AZIN2: variants seen among roughly 807,000 people sequenced by gnomAD.
AZIN2 encodes the protein ODC antizyme inhibitor-2.
AZIN2 carries 28 observed loss-of-function variants against 47.8 expected under a neutral mutation model. The observed-to-expected ratio is 0.59, with a 90% CI of 0.43 to 0.80. The LOEUF (loss-of-function observed/expected upper bound fraction) is 0.80, where lower values mean the gene tolerates loss of function less well. Among genes scored for constraint, AZIN2 ranks in the 30% least tolerant of loss-of-function variants. AZIN2 has a pLI of 0.00. For missense variants in AZIN2, 535 were observed against 582.5 expected, an observed-to-expected ratio of 0.92 and a Z score of 0.84; for synonymous variants, 221 against 239.4, an observed-to-expected ratio of 0.92 and a Z score of 0.71.
At chr1:33,104,856 G>A (rs978927036) in intron 10 of AZIN2, among the ~76,000 whole-genome samples, 1 of 152,118 alleles carries the variant, frequency 6.6e-6, no homozygotes, top group Non-Finnish European at 1.5e-5. Context: ...ATGCCACTAT[G>A]CCTGGCTAAT....
the AZIN2 span, among the ~76,000 whole-genome samples, chr1:33,155,365 C>G: frequency 6.6e-6 from 1 of 152,058 alleles, no homozygotes; most frequent in African/African-American, 2.4e-5. Flanking sequence ...GCCACCATGC[C>G]CGGCCTCCCC....
At chr1:33,104,072 G>A (rs574816464) in intron 10 of AZIN2, among the ~76,000 whole-genome samples, 12 of 151,854 alleles carry the variant, frequency 7.9e-5, no homozygotes, top group African/African-American at 2.2e-4. Flanking sequence ...TAGTAGAGAC[G>A]GCATTTCACC....
At chr1:33,139,555 G>A in the AZIN2 span, among the ~76,000 whole-genome samples, 18 of 152,170 alleles carry the variant, frequency 1.2e-4, no homozygotes, top group Non-Finnish European at 2.4e-4. Context: ...GAAAAGGAGG[G>A]CATTAGGTAG....
chr1:33,151,605 G>A, the AZIN2 span, among the ~76,000 whole-genome samples: 38 of 152,252 alleles, frequency 2.5e-4, no homozygotes, highest in Admixed American at 1.0e-3. Context: ...CAAAACAAGC[G>A]CAGTCCCTGG....
rs116730956 is a variant in AZIN2, at chr1:33,082,149, G to C, written c.-72-29G>C. 3.2e-3 allele frequency: 3,095 copies of C among 981,898 alleles called. 59 individuals carry two copies. In the African/African-American group the frequency reaches 0.043, roughly 14 times the overall value. 60.8% of individuals were successfully genotyped at this position (981,898 alleles called of 1,614,324 possible). ...GGGGCAGCAGAGCCGGCCCCCCAGC[G>C]GTTCCCTTCATCTCCCCTCGCCCCG... On this transcript the variant is annotated intron_variant, in intron 3 of 11. Transcript: ENST00000294517.
chr1:33,135,667 C>A, the AZIN2 span, among the ~76,000 whole-genome samples: 1 of 152,208 alleles, frequency 6.6e-6, no homozygotes, highest in Admixed American at 6.5e-5. Flanking sequence ...TTGCCCAGCA[C>A]TTACTCAGCA....
At chr1:33,109,691 C>A (rs1443642765) in intron 10 of AZIN2, among the ~76,000 whole-genome samples, 1 of 151,598 alleles carries the variant, frequency 6.6e-6, no homozygotes, top group East Asian at 1.9e-4. Flanking sequence ...TCAATTATTT[C>A]TTTTATGGAT....
intron 5 of AZIN2, among the ~76,000 whole-genome samples, chr1:33,090,586 CAAAT>C (rs747080150): frequency 1.3e-5 from 2 of 152,096 alleles, no homozygotes; most frequent in African/African-American, 2.4e-5. Flanking sequence ...ATTAAGCTGA[CAAAT>C]AAAAATTGTA....
At chr1:33,141,182 G>A in the AZIN2 span, among the ~76,000 whole-genome samples, 6 of 151,844 alleles carry the variant, frequency 4.0e-5, no homozygotes, top group Admixed American at 6.6e-5. Context: ...TTCTCCTCTC[G>A]GAGGAGCTGC....
intron 10 of AZIN2, among the ~76,000 whole-genome samples, chr1:33,108,056 T>G (rs1365239142): frequency 6.6e-6 from 1 of 152,210 alleles, no homozygotes; most frequent in Admixed American, 6.5e-5. Flanking sequence ...AGGCATCACA[T>G]TATCTGATTT....
chr1:33,117,322 T>C (rs899161494), intron 10 of AZIN2, among the ~76,000 whole-genome samples: 1 of 151,436 alleles, frequency 6.6e-6, no homozygotes, highest in African/African-American at 2.4e-5. Flanking sequence ...TGGCATGGAG[T>C]GAGGACATCT....
intron 10 of AZIN2, chr1:33,101,927 C>T (rs1269722906): frequency 1.3e-6 from 1 of 774,176 alleles, no homozygotes; most frequent in Non-Finnish European, 2.4e-6. Flanking sequence ...GTTTATTTGT[C>T]CATTCTCCTC....
intron 10 of AZIN2, among the ~76,000 whole-genome samples, chr1:33,107,250 C>T (rs1258090452): frequency 6.6e-6 from 1 of 151,662 alleles, no homozygotes; most frequent in East Asian, 1.9e-4. Context: ...TGCCACTGCA[C>T]TCTAGCCTGG....
rs150477489 is a variant in AZIN2 at position 33,093,042 on chromosome 1, C to T, written c.453-240C>T. On this transcript the variant is annotated intron_variant, in intron 6 of 11. Transcript: ENST00000294517. ...TGATTTGGAGGGACTGGAGCTGCCCCAGGAGAGTTGGTGAGGTCTGGACCA... is the reference window on the plus strand; with the variant it reads ...TGATTTGGAGGGACTGGAGCTGCCCTAGGAGAGTTGGTGAGGTCTGGACCA... Among the ~76,000 whole-genome samples the T allele has an allele frequency of 8.1e-4, 123 of 152,292 alleles. No individual in the cohort carries two copies. In the East Asian group the frequency reaches 0.016, roughly 20 times the overall value.
chr1:33,156,518 A>G, the AZIN2 span, among the ~76,000 whole-genome samples: 2 of 151,618 alleles, frequency 1.3e-5, no homozygotes. Flanking sequence ...TTGCCCTCCT[A>G]TCCCTCTGAC....
At chr1:33,149,459 A>T in the AZIN2 span, among the ~76,000 whole-genome samples, 121 of 135,564 alleles carry the variant, frequency 8.9e-4, 1 homozygote, top group Admixed American at 3.2e-3. Context: ...GGATTCTTTT[A>T]AAAAAAAAAA....
intron 10 of AZIN2, 91 bp from the exon 11 acceptor site, chr1:33,117,811 C>A: frequency 7.2e-7 from 1 of 1,393,254 alleles, no homozygotes; most frequent in Non-Finnish European, 1.0e-6. Flanking sequence ...ATCCTGTTGG[C>A]TATGGGAGCC....
the AZIN2 span, among the ~76,000 whole-genome samples, chr1:33,130,702 G>A: frequency 6.6e-6 from 1 of 152,270 alleles, no homozygotes; most frequent in East Asian, 1.9e-4. Flanking sequence ...GTGGTTTTAA[G>A]TTTTACCTAA....
chr1:33,088,869 C>T (rs1642224805), intron 5 of AZIN2, among the ~76,000 whole-genome samples: 1 of 152,190 alleles, frequency 6.6e-6, no homozygotes, highest in South Asian at 2.1e-4. Flanking sequence ...ACTTTTTCTT[C>T]CCAGCTCTTA....
Sources: allele counts gnomAD v4.1 joint callset (sites outside exome capture counted in the v4.1 genomes callset), GRCh38; gene constraint gnomAD v4.1.1; transcripts MANE v1.5; gene names NCBI Gene and HGNC (gene_info 2026-07-23, HGNC 2026-07-21).